IGSF21: variants seen among roughly 807,000 people sequenced by gnomAD.
The protein encoded by IGSF21 is immunoglobulin superfamily member 21.
Under a neutral mutation model 46.8 loss-of-function variants are expected in IGSF21, and 28 were observed. The ratio of observed to expected loss-of-function variants is 0.60; its 90% CI spans 0.44 to 0.82. The LOEUF (loss-of-function observed/expected upper bound fraction) is 0.82. IGSF21 is among the 40% of genes least tolerant of loss of function. IGSF21 has a pLI of 0.00. For synonymous variants in IGSF21, 284 were observed against 273.6 expected (o/e 1.04, Z -0.38); for missense variants, 624 against 665.5 (o/e 0.94, Z 0.69).
At chr1:18,308,250 A>G (rs1025301611) in intron 3 of IGSF21, among the ~76,000 whole-genome samples, 4 of 152,176 alleles carry the variant, frequency 2.6e-5, no homozygotes, top group Non-Finnish European at 4.4e-5. Context: ...CTCTGCTTCT[A>G]GGGGACCGCT....
chr1:18,337,932 A>G lies in IGSF21; in HGVS notation c.424+2922A>G, dbSNP rs1202945711. 6.6e-6 allele frequency among the ~76,000 whole-genome samples: 1 copy of G among 152,134 alleles called. No individual in the cohort carries two copies. The highest frequency in any genetic ancestry group is 2.4e-5 in the African/African-American group (1 of 41,444). On this transcript the variant is annotated intron_variant, in intron 4 of 9. Coordinates refer to ENST00000251296, the MANE Select transcript of IGSF21 (RefSeq NM_032880.5). The surrounding 1 kb of genome is among the most constrained non-coding windows in gnomAD (Gnocchi z 5.7). ...AGGGTGGGGGTTATCTCTGTGCCAG[A>G]GGAGCGTGGCTTCTGTAGCTCACCA...
chr1:18,256,252 A>G (rs1449639451), intron 2 of IGSF21, among the ~76,000 whole-genome samples: 2 of 152,198 alleles, frequency 1.3e-5, no homozygotes, highest in Non-Finnish European at 2.9e-5. Flanking sequence ...CTCAACTGCC[A>G]AGTCTGGGTG....
chr1:18,208,395 A>ATATATATATTTT (rs369367032), intron 1 of IGSF21, among the ~76,000 whole-genome samples: 4 of 123,764 alleles, frequency 3.2e-5, no homozygotes, highest in East Asian at 2.3e-4. Flanking sequence ...ATATATATAT[A>ATATATATATTTT]TTTTTTGAGA....
At chr1:18,274,954 G>A (rs1290401076) in intron 2 of IGSF21, among the ~76,000 whole-genome samples, 2 of 152,174 alleles carry the variant, frequency 1.3e-5, no homozygotes, top group East Asian at 3.9e-4. Flanking sequence ...TTGAGCCTGG[G>A]AGACAGAGGT....
Position 18,146,697 on chromosome 1 carries a change from G to A in IGSF21, c.70+38499G>A, listed in dbSNP as rs889035984. Among the ~76,000 whole-genome samples the A allele has an allele frequency of 3.9e-5, 6 of 152,260 alleles. No homozygotes were observed. In the East Asian group the frequency reaches 7.7e-4, roughly 20 times the overall value. On this transcript the variant is annotated intron_variant, in intron 1 of 9. Transcript: ENST00000251296. ...TTCTGGCCAAGGTTGTGGAGCCACC[G>A]AGGGTCCCGGGTGAGACCAGAATCA...
chr1:18,376,868 T>A lies in IGSF21; in HGVS notation c.1170T>A (p.Ala390=). The part of the protein sequence containing the change: ...RVGSRLLDGS[A]EFDGKELVLE... ...GGAGCCGCCTCCTGGACGGCAGCGC[T>A]GAGTTCGACGGGAAGGAGCTGGTGC... is the stretch of plus-strand genomic sequence containing the variant. The change falls in exon 8 of 10, where the codon GCT becomes GCA. Residue 390 remains alanine, a synonymous_variant. Transcript: ENST00000251296. The A allele has an allele frequency of 6.2e-7, 1 of 1,612,702 alleles. No individual in the cohort carries two copies. The highest frequency in any genetic ancestry group is 1.3e-5 in the African/African-American group (1 of 75,040).
chr1:18,133,296 A>T lies in IGSF21; in HGVS notation c.70+25098A>T, dbSNP rs1373047608. Reference sequence around the variant, plus strand: ...CGGTTCCATCTCGCCTCTGCTGAGCAGCGGAGCCTTTCTGGTCTAACCCCC... The same window carrying T: ...CGGTTCCATCTCGCCTCTGCTGAGCTGCGGAGCCTTTCTGGTCTAACCCCC... On this transcript the variant is annotated intron_variant, in intron 1 of 9. Coordinates refer to ENST00000251296, the MANE Select transcript of IGSF21 (RefSeq NM_032880.5). Among the ~76,000 whole-genome samples, 6 of 152,288 alleles carry T rather than the reference A, an allele frequency of 3.9e-5. No individual in the cohort carries two copies. In the South Asian group the frequency reaches 1.2e-3, roughly 32 times the overall value.
chr1:18,119,215 G>T lies in IGSF21; in HGVS notation c.70+11017G>T, dbSNP rs185987274. Among the ~76,000 whole-genome samples the T allele has an allele frequency of 3.7e-3, 560 of 152,252 alleles. 4 individuals are homozygous for T. Among genetic ancestry groups the T allele is most frequent in the African/African-American group, 0.013 (523 of 41,536 alleles). On this transcript the variant is annotated intron_variant, in intron 1 of 9. Coordinates refer to ENST00000251296, the MANE Select transcript of IGSF21 (RefSeq NM_032880.5). ...AGATATTTATTGGATGTTTCCTGGGGGTCAGGCACTGTGTTGGGTTCTAGA... is the reference window on the plus strand; with the variant it reads ...AGATATTTATTGGATGTTTCCTGGGTGTCAGGCACTGTGTTGGGTTCTAGA...
intron 1 of IGSF21, among the ~76,000 whole-genome samples, chr1:18,137,202 G>A (rs551083914): frequency 6.6e-6 from 1 of 152,228 alleles, no homozygotes; most frequent in Admixed American, 6.5e-5. Context: ...GCAAGGTGGG[G>A]AGGTGGTGCA....
chr1:18,359,338 A>AAAAGAAAGAAAGAAAGAAAGAAAG (rs1173594584), intron 4 of IGSF21, among the ~76,000 whole-genome samples: 7 of 35,372 alleles, frequency 2.0e-4, no homozygotes, highest in African/African-American at 3.8e-4. Flanking sequence ...AAGAGAAAGA[A>AAAAGAAAGAAAGAAAGAAAGAAAG]AAAGAAAGAA....
chr1:18,360,360 C>G (rs12068909), intron 4 of IGSF21, among the ~76,000 whole-genome samples: 2,757 of 152,208 alleles, frequency 0.018, 84 homozygotes, highest in African/African-American at 0.062. Context: ...TGGGTTGGCT[C>G]CCTGAATGAA....
rs1340994070 is a variant in IGSF21 at position 18,377,378 on chromosome 1, G to C, written c.1295-15G>C. 3.1e-6 allele frequency: 5 copies of C among 1,612,086 alleles called. No homozygotes were observed. In the African/African-American group the frequency reaches 4.0e-5, roughly 13 times the overall value. On this transcript the variant is annotated splice_polypyrimidine_tract_variant and intron_variant, in intron 8 of 9. Coordinates refer to ENST00000251296, the MANE Select transcript of IGSF21 (RefSeq NM_032880.5). ...CCATCCACCCTTTGGTTCTCTTTCT[G>C]TTTCTTTCCAACAGAAAACCCAAAT...
At chr1:18,165,856 A>C (rs901750415) in intron 1 of IGSF21, among the ~76,000 whole-genome samples, 1 of 152,140 alleles carries the variant, frequency 6.6e-6, no homozygotes, top group Non-Finnish European at 1.5e-5. Flanking sequence ...TCAGCATTCC[A>C]CAAGTTACTT....
rs568016381 is a variant in IGSF21, at chr1:18,129,417, A to T, written c.70+21219A>T. On this transcript the variant is annotated intron_variant, in intron 1 of 9. Transcript: ENST00000251296. Reference sequence around the variant, plus strand: ...TGTCTGTCATGGATGCAGTTCTCTCATGTGCCCCCTCTAGCTCCTCCCCAT... The same window carrying T: ...TGTCTGTCATGGATGCAGTTCTCTCTTGTGCCCCCTCTAGCTCCTCCCCAT... 1.8e-4 allele frequency among the ~76,000 whole-genome samples: 27 copies of T among 152,270 alleles called. No individual in the cohort carries two copies. In the East Asian group the frequency reaches 5.2e-3, roughly 30 times the overall value.
At chr1:18,211,028 C>T (rs1393382589) in intron 1 of IGSF21, among the ~76,000 whole-genome samples, 1 of 152,102 alleles carries the variant, frequency 6.6e-6, no homozygotes, top group Non-Finnish European at 1.5e-5. Flanking sequence ...TGCACCAACA[C>T]ACCCAGCTAA....
At chr1:18,116,155 T>C (rs1277677680) in intron 1 of IGSF21, among the ~76,000 whole-genome samples, 1 of 152,156 alleles carries the variant, frequency 6.6e-6, no homozygotes, top group East Asian at 1.9e-4. Flanking sequence ...CAAATCTGAG[T>C]TTCTCCCATT....
intron 1 of IGSF21, among the ~76,000 whole-genome samples, chr1:18,153,508 G>C (rs2086539702): frequency 6.6e-6 from 1 of 152,186 alleles, no homozygotes; most frequent in African/African-American, 2.4e-5. Flanking sequence ...CTCAATAACA[G>C]GCAGGAAGAA....
chr1:18,218,141 A>G (rs2084471303), intron 1 of IGSF21, among the ~76,000 whole-genome samples: 1 of 152,226 alleles, frequency 6.6e-6, no homozygotes, highest in African/African-American at 2.4e-5. Flanking sequence ...CAGGCTGTAC[A>G]GGAAGCATGG....
chr1:18,134,488 C>T (rs1021122253), intron 1 of IGSF21, among the ~76,000 whole-genome samples: 5 of 152,304 alleles, frequency 3.3e-5, no homozygotes, highest in Middle Eastern at 3.4e-3. Context: ...GTTAATTACT[C>T]GCAGGCACTA....
Sources: gnomAD v4.1 joint callset for allele counts (sites outside exome capture counted in the v4.1 genomes callset) on GRCh38, gnomAD v4.1.1 for gene constraint, Gnocchi (gnomAD v3.1) non-coding constraint, MANE v1.5 for transcripts, NCBI Gene and HGNC (gene_info 2026-07-23, HGNC 2026-07-21) for gene names.